Variants in TIAM2 observed in about 807,000 individuals in gnomAD.
The protein encoded by TIAM2 is TIAM Rac1 associated GEF 2.
TIAM2 carries 80 observed loss-of-function variants against 152.9 expected under a neutral mutation model. That is an observed-to-expected ratio of 0.52 (90% confidence interval 0.44 to 0.63). The LOEUF (loss-of-function observed/expected upper bound fraction) is 0.63, where lower values mean the gene tolerates loss of function less well. TIAM2 is among the 30% of genes least tolerant of loss of function. The pLI is 0.00. For synonymous variants in TIAM2, 804 were observed against 838.0 expected (o/e 0.96, Z 0.70); for missense variants, 1,965 against 2,120.1 (o/e 0.93, Z 1.44).
In TIAM2 at chr6:155,256,501, A is replaced by AAAG. The variant is rs778419608; in HGVS notation, c.4487_4489dup (p.Lys1496_Val1497insGlu). 6.2e-7 allele frequency: 1 copy of AAAG among 1,614,216 alleles called. No homozygotes were observed. The highest frequency in any genetic ancestry group is 1.7e-5 in the Admixed American group (1 of 60,024). On this transcript the variant is annotated inframe_insertion, in exon 27 of 27. Coordinates refer to ENST00000682666, the MANE Select transcript of TIAM2 (RefSeq NM_012454.4). ...CACTGTAGCTTCATCCAGGTCTTTA[A>AAAG]AAGTCCTGAAGAATTCCTCCAGCAA...
chr6:155,159,779 A>G (rs1247101193), intron 7 of TIAM2, among the ~76,000 whole-genome samples: 1 of 115,476 alleles, frequency 8.7e-6, no homozygotes. Context: ...AATATTTCAT[A>G]TTGATTATTT....
In TIAM2 at chr6:155,214,977, A is replaced by T. The variant is rs1781816607; in HGVS notation, c.3168+3670A>T. The stretch of plus-strand genomic sequence containing the variant: ...TTTTTAGAAAATCAAATCCTCCTGA[A>T]ACACTGATAGAGCAAGGCCATGTAT... On this transcript the variant is annotated intron_variant, in intron 15 of 26. Coordinates refer to ENST00000682666, the MANE Select transcript of TIAM2 (RefSeq NM_012454.4). This position sits in a 1 kb window ranked among gnomAD's most constrained non-coding sequence, Gnocchi z 5.4. Among the ~76,000 whole-genome samples the T allele has an allele frequency of 6.6e-6, 1 of 152,074 alleles. No homozygotes were observed. Among genetic ancestry groups the T allele is most frequent in the Admixed American group, 6.5e-5 (1 of 15,272 alleles).
At chr6:155,035,852 C>T (rs984597210) in intron 1 of TIAM2, among the ~76,000 whole-genome samples, 1 of 152,052 alleles carries the variant, frequency 6.6e-6, no homozygotes, top group African/African-American at 2.4e-5. Flanking sequence ...TGTAAATGGC[C>T]CTTGGAAGGC....
intron 1 of TIAM2, among the ~76,000 whole-genome samples, chr6:155,046,648 TAACA>T (rs1461196375): frequency 3.3e-5 from 5 of 152,128 alleles, no homozygotes; most frequent in African/African-American, 1.2e-4. Context: ...TGCTCTATCT[TAACA>T]GACAGGGAGA....
intron 4 of TIAM2, 119 bp downstream of exon 4, chr6:155,130,536 G>A: frequency 1.1e-6 from 1 of 894,006 alleles, no homozygotes; most frequent in South Asian, 1.9e-5. Context: ...TGGCAAAAGT[G>A]AAGAGTTCAG....
Position 155,016,614 on chromosome 6 carries a change from C to CT in TIAM2, c.-209+21123dup, listed in dbSNP as rs540026940. ...ATGGTAAATTAAAAAAACCAGACTG[C>CT]TCGACTGGGCTTGGTGGCTCATGCC... On this transcript the variant is annotated intron_variant, in intron 1 of 26. Coordinates refer to ENST00000682666, the MANE Select transcript of TIAM2 (RefSeq NM_012454.4). Among the ~76,000 whole-genome samples, 13 of 131,916 alleles carry CT rather than the reference C, an allele frequency of 9.9e-5. No homozygotes were observed. In the East Asian group the frequency reaches 2.4e-3, roughly 24 times the overall value. The allele number at this position is 131,916 out of a possible 152,430, so 86.5% of individuals were successfully genotyped here.
chr6:155,015,115 G>C (rs1778550318), intron 1 of TIAM2, among the ~76,000 whole-genome samples: 1 of 152,114 alleles, frequency 6.6e-6, no homozygotes. Flanking sequence ...TGTGCAGAGA[G>C]TCCGCACAGG....
In TIAM2 at chr6:155,164,760, A is replaced by G. The variant is rs569593523; in HGVS notation, c.2214+160A>G. On this transcript the variant is annotated intron_variant, in intron 8 of 26. Transcript: ENST00000682666. Reference sequence around the variant, plus strand: ...GGCCAGGGGCCTGGAGATGAAGGAGACCAGACGTCGTGCTGTAGAGCCCCC... The same window carrying G: ...GGCCAGGGGCCTGGAGATGAAGGAGGCCAGACGTCGTGCTGTAGAGCCCCC... 2.6e-5 allele frequency among the ~76,000 whole-genome samples: 4 copies of G among 152,184 alleles called. No individual in the cohort carries two copies. In the East Asian group the frequency reaches 5.8e-4, roughly 22 times the overall value.
rs1781762000 is a variant in TIAM2 at position 155,213,092 on chromosome 6, C to T, written c.3168+1785C>T. Among the ~76,000 whole-genome samples the T allele has an allele frequency of 2.0e-5, 3 of 152,192 alleles. No individual in the cohort carries two copies. Among genetic ancestry groups the T allele is most frequent in the African/African-American group, 7.2e-5 (3 of 41,462 alleles). On this transcript the variant is annotated intron_variant, in intron 15 of 26. Coordinates refer to ENST00000682666, the MANE Select transcript of TIAM2 (RefSeq NM_012454.4). This position sits in a 1 kb window ranked among gnomAD's most constrained non-coding sequence, Gnocchi z 4.2. ...TGCAGCTCTTCTCTCCTCCTCTTTT[C>T]TCTCCTTGTCACCTGTAATGTGGCG... is the stretch of plus-strand genomic sequence containing the variant.
At chr6:155,170,065 C>T (rs1780545966) in intron 9 of TIAM2, among the ~76,000 whole-genome samples, 1 of 152,136 alleles carries the variant, frequency 6.6e-6, no homozygotes, top group Non-Finnish European at 1.5e-5. Flanking sequence ...GATCCACCCA[C>T]CTCAGTCTCC....
At chr6:155,237,833 T>C (rs957864102) in intron 15 of TIAM2, among the ~76,000 whole-genome samples, 1 of 152,198 alleles carries the variant, frequency 6.6e-6, no homozygotes, top group African/African-American at 2.4e-5. Context: ...GAAACCACTT[T>C]TTCCTCCTAG....
At chr6:155,055,008 C>T (rs958987388) in intron 1 of TIAM2, among the ~76,000 whole-genome samples, 2 of 152,056 alleles carry the variant, frequency 1.3e-5, no homozygotes, top group Non-Finnish European at 2.9e-5. Flanking sequence ...TAGATGGGAA[C>T]GTGCTGTGGC....
intron 1 of TIAM2, among the ~76,000 whole-genome samples, chr6:155,019,102 G>A (rs1485771493): frequency 6.7e-6 from 1 of 150,326 alleles, no homozygotes; most frequent in Non-Finnish European, 1.5e-5. Context: ...TTGGGAGGCT[G>A]AGGCAGGCAG....
intron 1 of TIAM2, among the ~76,000 whole-genome samples, chr6:155,050,617 C>A (rs1777297154): frequency 6.6e-6 from 1 of 152,212 alleles, no homozygotes; most frequent in Non-Finnish European, 1.5e-5. Context: ...AGGCTGCGTG[C>A]TTTCCTAGCT....
intron 2 of TIAM2, among the ~76,000 whole-genome samples, chr6:155,121,219 T>C (rs1405345538): frequency 6.6e-6 from 1 of 152,126 alleles, no homozygotes; most frequent in East Asian, 1.9e-4. Context: ...AATAATACTT[T>C]GTGTTGCATT....
chr6:155,102,767 TTGTGTGTGTGTG>T (rs56117781), intron 2 of TIAM2, among the ~76,000 whole-genome samples: 14,885 of 145,622 alleles, frequency 0.1, 882 homozygotes, highest in East Asian at 0.25. Context: ...GATTAATTTA[TTGTGTGTGTGTG>T]TGTGTGTGTG....
intron 2 of TIAM2, among the ~76,000 whole-genome samples, chr6:155,113,154 C>T (rs941071195): frequency 5.9e-5 from 9 of 152,244 alleles, no homozygotes; most frequent in East Asian, 5.8e-4. Context: ...CCCTCTCTGA[C>T]CTCTCTTGCC....
intron 14 of TIAM2, among the ~76,000 whole-genome samples, chr6:155,189,947 G>GC (rs1781156562): frequency 6.6e-6 from 1 of 152,118 alleles, no homozygotes; most frequent in Admixed American, 6.6e-5. Flanking sequence ...GGAGGGAAGG[G>GC]CCTTTCACAT....
chr6:155,135,784 A>G (rs1213422298), intron 4 of TIAM2, among the ~76,000 whole-genome samples: 1 of 152,210 alleles, frequency 6.6e-6, no homozygotes, highest in East Asian at 1.9e-4. Flanking sequence ...GTTAAGAATC[A>G]TGTCTTTGAT....
Sources: allele counts gnomAD v4.1 joint callset (sites outside exome capture counted in the v4.1 genomes callset), GRCh38; gene constraint gnomAD v4.1.1; non-coding constraint Gnocchi (gnomAD v3.1); transcripts MANE v1.5; gene names NCBI Gene and HGNC (gene_info 2026-07-23, HGNC 2026-07-21).